The following ANOS1 variants were observed in gnomAD, a reference collection of about 807,000 sequenced individuals.
The protein encoded by ANOS1 is anosmin-1.
Under a neutral mutation model 59.0 loss-of-function variants are expected in ANOS1, and 6 were observed. The observed-to-expected ratio is 0.10, with a 90% CI of 0.06 to 0.20. The LOEUF is 0.20. ANOS1 is among the 10% of genes least tolerant of loss of function. ANOS1 has a pLI of 1.00. For missense variants in ANOS1, 433 were observed against 542.3 expected (o/e 0.80, Z 2.00); for synonymous variants, 217 against 223.4 (o/e 0.97, Z 0.25).
chrX:8,647,624 T>G (rs1245092242), intron 2 of ANOS1, among the ~76,000 whole-genome samples: 3 of 112,198 alleles, frequency 2.7e-5, no homozygotes, highest in Non-Finnish European at 5.6e-5. Context: ...TCTATGATAA[T>G]TCTGGAATCT....
intron 1 of ANOS1, among the ~76,000 whole-genome samples, chrX:8,711,582 G>A (rs1569088685): frequency 8.9e-6 from 1 of 112,709 alleles, no homozygotes. Context: ...GGTCAAGGCT[G>A]TAGTCTAGCT....
At chrX:8,654,518 C>T (rs1281369347) in intron 2 of ANOS1, among the ~76,000 whole-genome samples, 1 of 112,146 alleles carries the variant, frequency 8.9e-6, no homozygotes, top group Non-Finnish European at 1.9e-5. Flanking sequence ...TTTTACAAAC[C>T]TCGATTCTTG....
intron 6 of ANOS1, among the ~76,000 whole-genome samples, chrX:8,582,053 T>A (rs1342947022): frequency 8.9e-6 from 1 of 111,798 alleles, no homozygotes; most frequent in Non-Finnish European, 1.9e-5. Flanking sequence ...TTCTAGGCAG[T>A]GGGAATAAGA....
At chrX:8,713,953 A>C (rs1291425946) in intron 1 of ANOS1, among the ~76,000 whole-genome samples, 1 of 111,971 alleles carries the variant, frequency 8.9e-6, no homozygotes, top group Non-Finnish European at 1.9e-5. Context: ...TCCCAAATAA[A>C]TGACTGAGAC....
At chrX:8,552,203 T>C (rs1929868607) in intron 9 of ANOS1, among the ~76,000 whole-genome samples, 2 of 112,320 alleles carry the variant, frequency 1.8e-5, no homozygotes, top group Non-Finnish European at 3.8e-5. Flanking sequence ...AAATACCACA[T>C]GACAGAGAGA....
intron 2 of ANOS1, among the ~76,000 whole-genome samples, chrX:8,676,264 T>C (rs1373350693): frequency 9.0e-6 from 1 of 111,583 alleles, no homozygotes; most frequent in East Asian, 2.8e-4. Context: ...TTTGATTTTC[T>C]CTCCAAATTA....
intron 1 of ANOS1, among the ~76,000 whole-genome samples, chrX:8,705,340 G>A (rs146675426): frequency 7.2e-5 from 8 of 111,762 alleles, no homozygotes; most frequent in East Asian, 5.6e-4. Flanking sequence ...ACAGATGCAC[G>A]CATCCATGCA....
At chrX:8,654,719 T>G (rs2146866785) in intron 2 of ANOS1, among the ~76,000 whole-genome samples, 1 of 112,364 alleles carries the variant, frequency 8.9e-6, no homozygotes, top group African/African-American at 3.2e-5. Flanking sequence ...TCTAGAATAG[T>G]CTATCAGCTC....
At chrX:8,650,740 T>C (rs914980801) in intron 2 of ANOS1, among the ~76,000 whole-genome samples, 1 of 111,414 alleles carries the variant, frequency 9.0e-6, no homozygotes, top group African/African-American at 3.3e-5. Flanking sequence ...ATACAGGGGC[T>C]GATGAGAATG....
At chrX:8,604,294 C>G (rs184493829) in intron 3 of ANOS1, among the ~76,000 whole-genome samples, 6 of 111,276 alleles carry the variant, frequency 5.4e-5, no homozygotes, top group African/African-American at 1.6e-4. Flanking sequence ...AACTTCTGAC[C>G]CGTTTCTTCA....
chrX:8,726,500 C>G (rs759878847), intron 1 of ANOS1, among the ~76,000 whole-genome samples: 1 of 112,069 alleles, frequency 8.9e-6, no homozygotes, highest in South Asian at 3.7e-4. Context: ...CTGGCAAAGA[C>G]ACAGACACAC....
rs757948098 is a variant in ANOS1, at chrX:8,581,979, CTT to C, written c.856+3286_856+3287del. ...GTCTTTACCTTCTCTTTTTATTACT[CTT>C]GTTTCATTTCCTCATATATTGAACA... On this transcript the variant is annotated intron_variant, in intron 6 of 13. Transcript: ENST00000262648. 3.6e-3 allele frequency among the ~76,000 whole-genome samples: 407 copies of C among 112,087 alleles called. 1 individual carries two copies. Among genetic ancestry groups the C allele is most frequent in the African/African-American group, 0.013 (393 of 30,876 alleles).
chrX:8,672,324 G>T (rs1932270904), intron 2 of ANOS1, among the ~76,000 whole-genome samples: 1 of 111,900 alleles, frequency 8.9e-6, no homozygotes, highest in Non-Finnish European at 1.9e-5. Flanking sequence ...CAGGCCTTCA[G>T]TGGCCCCTGC....
intron 2 of ANOS1, among the ~76,000 whole-genome samples, chrX:8,627,779 A>G (rs7881793): frequency 0.017 from 1,846 of 110,242 alleles, 44 homozygotes; most frequent in African/African-American, 0.058. Flanking sequence ...GGAGAAAACG[A>G]CAATGACACA....
At chrX:8,634,258 G>A (rs896052607) in intron 2 of ANOS1, among the ~76,000 whole-genome samples, 2 of 110,613 alleles carry the variant, frequency 1.8e-5, no homozygotes, top group Non-Finnish European at 3.8e-5. Context: ...AAGTGTATGT[G>A]TGTGTATATA....
chrX:8,652,981 G>T (rs1164633894), intron 2 of ANOS1, among the ~76,000 whole-genome samples: 1 of 110,042 alleles, frequency 9.1e-6, no homozygotes, highest in Non-Finnish European at 1.9e-5. Context: ...TCAGCCTCCC[G>T]AGTAGCTGAG....
chrX:8,647,760 A>G (rs893562011), intron 2 of ANOS1, among the ~76,000 whole-genome samples: 9 of 111,997 alleles, frequency 8.0e-5, no homozygotes, highest in Admixed American at 2.9e-4. Context: ...CGTATGTTCA[A>G]TCTCCTTAAG....
chrX:8,594,695 TATACAC>T (rs1203527790), intron 4 of ANOS1, among the ~76,000 whole-genome samples: 26 of 59,186 alleles, frequency 4.4e-4, no homozygotes, highest in African/African-American at 9.2e-4. Context: ...TATATATATA[TATACAC>T]ATATATATAC....
At chrX:8,572,845 C>T (rs932460452) in intron 6 of ANOS1, among the ~76,000 whole-genome samples, 2 of 110,807 alleles carry the variant, frequency 1.8e-5, no homozygotes, top group Non-Finnish European at 3.8e-5. Flanking sequence ...AAAAGTACTG[C>T]ATCAGGTGGC....
Sources: allele counts gnomAD v4.1 joint callset (sites outside exome capture counted in the v4.1 genomes callset), GRCh38; gene constraint gnomAD v4.1.1; transcripts MANE v1.5; gene names NCBI Gene and HGNC (gene_info 2026-07-23, HGNC 2026-07-21).